Variants in KHDRBS2 observed in about 807,000 individuals in gnomAD.
KHDRBS2 encodes the protein KH RNA binding domain containing, signal transduction associated 2.
KHDRBS2 carries 26 observed loss-of-function variants against 44.3 expected under a neutral mutation model. The observed-to-expected ratio is 0.59, with a 90% confidence interval of 0.43 to 0.81. The LOEUF (loss-of-function observed/expected upper bound fraction) is 0.81, where lower values mean the gene tolerates loss of function less well. KHDRBS2 is among the 40% of genes least tolerant of loss of function. The pLI, the probability that KHDRBS2 is intolerant of heterozygous loss-of-function variation, is 0.00. For synonymous variants in KHDRBS2, 194 were observed against 151.1 expected (o/e 1.28, Z -2.08); for missense variants, 476 against 433.1 (o/e 1.10, Z -0.88).
At chr6:62,213,529 A>G (rs1026581047) in intron 1 of KHDRBS2, among the ~76,000 whole-genome samples, 4 of 152,278 alleles carry the variant, frequency 2.6e-5, no homozygotes, top group Admixed American at 6.5e-5. Flanking sequence ...TAACCTTGAT[A>G]GAAAATACTT....
At chr6:61,548,284 T>C in the KHDRBS2 span, among the ~76,000 whole-genome samples, 2 of 152,258 alleles carry the variant, frequency 1.3e-5, no homozygotes, top group East Asian at 1.9e-4. Context: ...ACACATTTTA[T>C]GAGGGCTATA....
At chr6:61,813,367 G>A (rs756482379) in intron 6 of KHDRBS2, among the ~76,000 whole-genome samples, 1 of 152,096 alleles carries the variant, frequency 6.6e-6, no homozygotes, top group Admixed American at 6.5e-5. Context: ...CAACTATATA[G>A]TTTGTTAAAC....
At chr6:62,210,595 T>G (rs1828882440) in intron 1 of KHDRBS2, among the ~76,000 whole-genome samples, 1 of 152,132 alleles carries the variant, frequency 6.6e-6, no homozygotes, top group Non-Finnish European at 1.5e-5. Flanking sequence ...CCTCCCAAAG[T>G]GCTGGGATTA....
chr6:61,582,024 G>T, the KHDRBS2 span, among the ~76,000 whole-genome samples: 8 of 151,644 alleles, frequency 5.3e-5, no homozygotes, highest in African/African-American at 1.9e-4. Flanking sequence ...AGGAATCTTA[G>T]TTTTCAAAAA....
At chr6:61,631,719 C>A in the KHDRBS2 span, among the ~76,000 whole-genome samples, 1 of 151,980 alleles carries the variant, frequency 6.6e-6, no homozygotes, top group African/African-American at 2.4e-5. Context: ...GAAATGGAGA[C>A]GTAAGTTAGT....
At chr6:61,555,100 T>C in the KHDRBS2 span, among the ~76,000 whole-genome samples, 2 of 152,196 alleles carry the variant, frequency 1.3e-5, no homozygotes, top group Admixed American at 6.5e-5. Context: ...AAATATGTTT[T>C]CCAAGTTGTT....
chr6:62,034,703 A>C (rs1164153365), intron 3 of KHDRBS2, among the ~76,000 whole-genome samples: 1 of 150,988 alleles, frequency 6.6e-6, no homozygotes, highest in Non-Finnish European at 1.5e-5. Context: ...GAAAAAAAAA[A>C]AAAAAAAAAA....
intron 2 of KHDRBS2, among the ~76,000 whole-genome samples, chr6:62,112,495 G>T (rs193108842): frequency 4.6e-5 from 7 of 152,160 alleles, no homozygotes; most frequent in Non-Finnish European, 1.0e-4. Context: ...AATAAATAGG[G>T]CATCTCCACT....
chr6:62,232,686 G>A (rs555823859), intron 1 of KHDRBS2, among the ~76,000 whole-genome samples: 1 of 152,188 alleles, frequency 6.6e-6, no homozygotes, highest in South Asian at 2.1e-4. Context: ...GTATAGCCAG[G>A]TAAACAGATT....
chr6:61,572,174 A>C, the KHDRBS2 span, among the ~76,000 whole-genome samples: 1 of 152,238 alleles, frequency 6.6e-6, no homozygotes, highest in South Asian at 2.1e-4. Flanking sequence ...CGGATTGTCC[A>C]AGGCTACTAC....
At chr6:61,621,930 T>C in the KHDRBS2 span, among the ~76,000 whole-genome samples, 1 of 152,148 alleles carries the variant, frequency 6.6e-6, no homozygotes, top group Non-Finnish European at 1.5e-5. Context: ...TGAAAAAAGC[T>C]TCACCATAGA....
At chr6:61,981,201 GT>G (rs889551154) in intron 3 of KHDRBS2, among the ~76,000 whole-genome samples, 25 of 152,230 alleles carry the variant, frequency 1.6e-4, no homozygotes, top group African/African-American at 5.8e-4. Context: ...CATCCTGGTG[GT>G]CTTTCAAATG....
intron 1 of KHDRBS2, among the ~76,000 whole-genome samples, chr6:62,275,685 C>A (rs1219900870): frequency 6.6e-6 from 1 of 152,086 alleles, no homozygotes; most frequent in East Asian, 1.9e-4. Flanking sequence ...TTTATCAAAG[C>A]AAGATTTTGC....
the KHDRBS2 span, among the ~76,000 whole-genome samples, chr6:61,559,051 C>G: frequency 6.6e-6 from 1 of 152,122 alleles, no homozygotes; most frequent in Non-Finnish European, 1.5e-5. Flanking sequence ...GGGTCTCTCT[C>G]TCTCTCTCAC....
chr6:61,958,207 A>T (rs922978468), intron 4 of KHDRBS2, among the ~76,000 whole-genome samples: 1 of 151,970 alleles, frequency 6.6e-6, no homozygotes. Context: ...TTCTATTCTT[A>T]ATTTCTTTGT....
At chr6:61,604,300 T>TC in the KHDRBS2 span, among the ~76,000 whole-genome samples, 123,427 of 151,976 alleles carry the variant, frequency 0.81, 50,487 homozygotes, top group Non-Finnish European at 0.87. Flanking sequence ...AGGCATCAGA[T>TC]CCATTGCTCA....
chr6:62,079,202 T>C (rs1307340076), intron 2 of KHDRBS2, among the ~76,000 whole-genome samples: 1 of 152,062 alleles, frequency 6.6e-6, no homozygotes, highest in African/African-American at 2.4e-5. Context: ...TATTTTTATT[T>C]ATCATGCTGT....
intron 3 of KHDRBS2, among the ~76,000 whole-genome samples, chr6:61,985,300 T>G (rs1428518410): frequency 6.6e-6 from 1 of 152,194 alleles, no homozygotes; most frequent in African/African-American, 2.4e-5. Context: ...TTTATTTATT[T>G]TACTTCTCTC....
intron 1 of KHDRBS2, among the ~76,000 whole-genome samples, chr6:62,184,713 T>C (rs1823068128): frequency 6.6e-6 from 1 of 151,882 alleles, no homozygotes; most frequent in Non-Finnish European, 1.5e-5. Flanking sequence ...AAGTCTGTCT[T>C]CAAATAGCTC....
Sources: gnomAD v4.1 joint callset for allele counts (sites outside exome capture counted in the v4.1 genomes callset) on GRCh38, gnomAD v4.1.1 for gene constraint, MANE v1.5 for transcripts, NCBI Gene and HGNC (gene_info 2026-07-23, HGNC 2026-07-21) for gene names.